Variants in AGA observed in about 807,000 individuals in gnomAD.
AGA encodes N(4)-(beta-N-acetylglucosaminyl)-L-asparaginase.
A neutral mutation model predicts 40.1 loss-of-function variants in AGA; 31 were observed. The ratio of observed to expected loss-of-function variants is 0.77; its 90% CI spans 0.58 to 1.04. The LOEUF is 1.04. Ranked by LOEUF, AGA falls within the 50% of genes least tolerant of loss-of-function variation. The pLI is 0.00. For missense variants in AGA, 445 were observed against 435.4 expected, an observed-to-expected ratio of 1.02 and a Z score of -0.20; for synonymous variants, 148 against 144.0, an observed-to-expected ratio of 1.03 and a Z score of -0.20.
chr4:177,439,641 T>C lies in AGA; in HGVS notation c.329A>G (p.Asn110Ser), dbSNP rs753599179. 3.2e-5 allele frequency: 51 copies of C among 1,612,108 alleles called. No individual in the cohort carries two copies. Among genetic ancestry groups the C allele is most frequent in the Non-Finnish European group, 4.2e-5 (49 of 1,178,744 alleles). Residue 110 changes from asparagine (N) to serine (S), a missense_variant, in exon 3 of 9, where the codon AAT (asparagine) becomes AGT (serine). Coordinates refer to ENST00000264595, the MANE Select transcript of AGA (RefSeq NM_000027.4). ...GAVGDLRRIK[N>S]AIGVARKVLE... ...TACTTTCCGTGCCACACCAATAGCA[T>C]TTTTAATTCGTCTGAGATCTCCTAC...
At chr4:177,442,199 AC>A (rs773912740) in intron 1 of AGA, 49 bp downstream of exon 1, 1 of 1,608,268 alleles carries the variant, frequency 6.2e-7, no homozygotes, top group Admixed American at 1.7e-5. Flanking sequence ...AGTCATCCCC[AC>A]CCGCAAGCTC....
chr4:177,438,119 C>T (rs541772784), intron 4 of AGA, among the ~76,000 whole-genome samples: 55 of 152,052 alleles, frequency 3.6e-4, no homozygotes, highest in Non-Finnish European at 5.1e-4. Context: ...CACATCAGTG[C>T]GCTAGGTGCC....
chr4:177,439,469 G>T, intron 3 of AGA, 107 bp downstream of exon 3: 2 of 857,892 alleles, frequency 2.3e-6, no homozygotes, highest in Non-Finnish European at 4.1e-6. Flanking sequence ...AAGTAAAACA[G>T]CTGGAATTTG....
chr4:177,433,174 T>G, intron 8 of AGA, 40 bp downstream of exon 8: 2 of 1,613,440 alleles, frequency 1.2e-6, no homozygotes, highest in Non-Finnish European at 1.7e-6. Flanking sequence ...TTAGAAATAT[T>G]TGGAAGTTCA....
chr4:177,433,240 A>G lies in AGA; in HGVS notation c.914T>C (p.Ile305Thr), dbSNP rs373616948. ...GTAACTTCCAGTCACATTGGCACAT[A>G]TAACAGCCCCAAAGAATTCTGGAAA... ...KHFPEFFGAV[I>T]CANVTGSYGA... Residue 305 changes from isoleucine (I) to threonine (T), a missense_variant, in exon 8 of 9, where the codon ATA (isoleucine) becomes ACA (threonine). Coordinates refer to ENST00000264595, the MANE Select transcript of AGA (RefSeq NM_000027.4). 1 of 1,614,142 alleles carries G rather than the reference A, an allele frequency of 6.2e-7. No homozygotes were observed. The highest frequency in any genetic ancestry group is 1.1e-5 in the South Asian group (1 of 91,084).
chr4:177,437,147 A>G (rs1409452233), intron 5 of AGA: 1 of 441,740 alleles, frequency 2.3e-6, no homozygotes. Flanking sequence ...ACAGCAACAT[A>G]AAACTGCCAA....
At chr4:177,435,937 G>A (rs532352991) in intron 6 of AGA, among the ~76,000 whole-genome samples, 30 of 152,026 alleles carry the variant, frequency 2.0e-4, no homozygotes, top group Non-Finnish European at 4.0e-4. Flanking sequence ...CCCAGTGGGA[G>A]CCCTGAACAC....
At chr4:177,435,851 G>GCACA (rs3067063) in intron 6 of AGA, among the ~76,000 whole-genome samples, 3 of 148,254 alleles carry the variant, frequency 2.0e-5, no homozygotes, top group African/African-American at 7.5e-5. Context: ...CTGCGTGCAC[G>GCACA]CACACACACA....
chr4:177,435,356 A>C (rs1228081572), intron 6 of AGA, among the ~76,000 whole-genome samples: 1 of 152,212 alleles, frequency 6.6e-6, no homozygotes, highest in African/African-American at 2.4e-5. Context: ...CATAATTTTC[A>C]TTGTCATTAA....
intron 3 of AGA, 106 bp from the exon 4 acceptor site, chr4:177,438,963 C>T: frequency 1.3e-6 from 1 of 747,880 alleles, no homozygotes; most frequent in Non-Finnish European, 2.4e-6. Flanking sequence ...AAGTGAGCTA[C>T]ACAAAGACTT....
chr4:177,439,957 C>T (rs1579045092), intron 2 of AGA: 3 of 584,176 alleles, frequency 5.1e-6, no homozygotes, highest in East Asian at 2.9e-5. Flanking sequence ...TTGAAAGGGG[C>T]CTGAAGGCTT....
At position 177,436,275 on chromosome 4, in the gene AGA, C is replaced by T. The variant is rs1057517175; in HGVS notation, c.698+1G>A. The stretch of plus-strand genomic sequence containing the variant: ...AGCTCTGTTCTTTTGGAAACACTAA[C>T]CCATGTATTTTGAATTTTATACCAT... On this transcript the variant is annotated splice_donor_variant, in intron 6 of 8. Transcript: ENST00000264595. LOFTEE classifies it high-confidence loss of function. The T allele has an allele frequency of 1.2e-6, 2 of 1,608,378 alleles. No homozygotes were observed. The highest frequency in any genetic ancestry group is 1.7e-6 in the Non-Finnish European group (2 of 1,175,042).
Position 177,442,164 on chromosome 4 carries a change from C to A in AGA, c.127+85G>T, listed in dbSNP as rs553229726. The A allele has an allele frequency of 1.5e-4, 238 of 1,580,340 alleles. No individual in the cohort carries two copies. The African/African-American group carries it at 2.5e-3, about 16-fold the overall frequency. On this transcript the variant is annotated intron_variant, in intron 1 of 8. Transcript: ENST00000264595. ...GCCCGGCGCTCTTCCGTCCGCCCTG[C>A]CGGGTGACTGCAGCGGGGCGGGCTA...
chr4:177,438,098 C>T (rs1319585018), intron 4 of AGA, among the ~76,000 whole-genome samples: 1 of 152,046 alleles, frequency 6.6e-6, no homozygotes, highest in African/African-American at 2.4e-5. Context: ...ATTCCTATTC[C>T]TCATGTCTTA....
intron 2 of AGA, 153 bp downstream of exon 2, chr4:177,440,120 T>G: frequency 1.1e-6 from 1 of 906,738 alleles, no homozygotes; most frequent in Non-Finnish European, 1.7e-6. Context: ...TTTTTTTCAG[T>G]TGAGAGGGAA....
intron 6 of AGA, among the ~76,000 whole-genome samples, chr4:177,435,614 T>G (rs1229507034): frequency 6.6e-6 from 1 of 152,126 alleles, no homozygotes; most frequent in East Asian, 1.9e-4. Context: ...CCAGAATGCC[T>G]TCAACTGACT....
intron 4 of AGA, 148 bp from the exon 5 acceptor site, chr4:177,437,667 A>T: frequency 1.6e-6 from 1 of 637,486 alleles, no homozygotes; most frequent in Non-Finnish European, 2.8e-6. Flanking sequence ...GAAATCACTA[A>T]GTCTTATATA....
Position 177,437,442 on chromosome 4 carries a change from A to G in AGA, c.585T>C (p.His195=), listed in dbSNP as rs1736860088. The change falls in exon 5 of 9, where the codon CAT becomes CAC. Residue 195 remains histidine (H), a synonymous_variant. Coordinates refer to ENST00000264595, the MANE Select transcript of AGA (RefSeq NM_000027.4). ...PGILKQDIPI[H]KETEDDRGHD... ...GACCACGATCATCTTCTGTTTCTTT[A>G]TGGATAGGAATATCCTGCTTTAAGA... The G allele has an allele frequency of 6.2e-7, 1 of 1,613,406 alleles. No homozygotes were observed.
intron 3 of AGA, 83 bp from the exon 4 acceptor site, chr4:177,438,940 TCAG>T (rs1736907327): frequency 2.4e-6 from 2 of 820,002 alleles, no homozygotes; most frequent in Admixed American, 3.8e-5. Context: ...ACATTCTGGG[TCAG>T]CAGCATCTTA....
Sources: allele counts gnomAD v4.1 joint callset (sites outside exome capture counted in the v4.1 genomes callset), GRCh38; gene constraint gnomAD v4.1.1; transcripts MANE v1.5; gene names NCBI Gene and HGNC (gene_info 2026-07-23, HGNC 2026-07-21).